The following MALRD1 variants were observed in gnomAD, a reference collection of about 807,000 sequenced individuals.
MALRD1 encodes MAM and LDL-receptor class A domain-containing protein 1.
In MALRD1, 247 loss-of-function variants were observed where a neutral mutation model predicts 242.1. That is an observed-to-expected ratio of 1.02 (90% CI 0.92 to 1.13). MALRD1 has a LOEUF of 1.13. MALRD1 is among the 50% of genes most tolerant of loss of function. MALRD1 has a pLI of 0.00. For missense variants in MALRD1, 2,989 were observed against 2,533.1 expected (o/e 1.18, Z -3.86); for synonymous variants, 995 against 866.6 (o/e 1.15, Z -2.60).
chr10:19,461,276 GA>G (rs2131095917), intron 29 of MALRD1, among the ~76,000 whole-genome samples: 1 of 152,266 alleles, frequency 6.6e-6, no homozygotes, highest in East Asian at 1.9e-4. Context: ...TGTCTCAGAG[GA>G]ACTGGGAAAT....
At chr10:19,269,638 A>G (rs1005217646) in intron 19 of MALRD1, among the ~76,000 whole-genome samples, 2 of 152,168 alleles carry the variant, frequency 1.3e-5, no homozygotes, top group Non-Finnish European at 2.9e-5. Context: ...CTGCAACTCC[A>G]TCTTCCCAGT....
At chr10:19,503,196 AT>A (rs1213145932) in intron 31 of MALRD1, among the ~76,000 whole-genome samples, 1 of 152,214 alleles carries the variant, frequency 6.6e-6, no homozygotes, top group Non-Finnish European at 1.5e-5. Flanking sequence ...GAGTGAGACT[AT>A]TTAGGCATCT....
intron 31 of MALRD1, among the ~76,000 whole-genome samples, chr10:19,511,746 G>A (rs1351250240): frequency 6.6e-6 from 1 of 152,132 alleles, no homozygotes; most frequent in Non-Finnish European, 1.5e-5. Context: ...GGTTTAACAT[G>A]ACATAGTCAA....
chr10:19,463,576 G>A (rs367632746), intron 29 of MALRD1, among the ~76,000 whole-genome samples: 776 of 20,972 alleles, frequency 0.037, 6 homozygotes, highest in Middle Eastern at 0.12. Context: ...GTGTGTGTGT[G>A]TGTGTGTGTG....
chr10:19,687,293 G>C (rs926137026), intron 36 of MALRD1, among the ~76,000 whole-genome samples: 8 of 152,170 alleles, frequency 5.3e-5, no homozygotes, highest in Non-Finnish European at 1.0e-4. Flanking sequence ...ATAGCAAAGA[G>C]ATTACCTGCA....
At position 19,389,620 on chromosome 10, in the gene MALRD1, G is replaced by A. The variant is rs1364021985; in HGVS notation, c.4845+11G>A. 3 of 1,547,232 alleles carry A rather than the reference G, an allele frequency of 1.9e-6. No homozygotes were observed. Among genetic ancestry groups the A allele is most frequent in the South Asian group, 2.4e-5 (2 of 83,654 alleles). On this transcript the variant is annotated intron_variant, in intron 28 of 39. Transcript: ENST00000454679. ...CAGATTCTCATCAAGGTAGGAACATGGCCTGTGATGCCTCTGAGCTTGTTT... is the reference window on the plus strand; with the variant it reads ...CAGATTCTCATCAAGGTAGGAACATAGCCTGTGATGCCTCTGAGCTTGTTT...
intron 32 of MALRD1, among the ~76,000 whole-genome samples, chr10:19,533,301 G>GT (rs1834510299): frequency 6.6e-6 from 1 of 152,120 alleles, no homozygotes; most frequent in Admixed American, 6.5e-5. Flanking sequence ...GTGCTTACTG[G>GT]TTTTTCTAAC....
At chr10:19,679,098 G>C (rs1842257510) in intron 36 of MALRD1, among the ~76,000 whole-genome samples, 1 of 152,138 alleles carries the variant, frequency 6.6e-6, no homozygotes, top group Non-Finnish European at 1.5e-5. Flanking sequence ...GTTCATCAGG[G>C]ATATTTGTCT....
At chr10:19,726,009 T>G (rs575035642) in intron 38 of MALRD1, among the ~76,000 whole-genome samples, 130 of 152,234 alleles carry the variant, frequency 8.5e-4, no homozygotes, top group African/African-American at 2.8e-3. Context: ...GAAAACATAG[T>G]GGTAAATCTT....
intron 36 of MALRD1, among the ~76,000 whole-genome samples, chr10:19,657,719 TTTAAA>T (rs1028895269): frequency 1.3e-5 from 2 of 152,184 alleles, no homozygotes; most frequent in Non-Finnish European, 2.9e-5. Context: ...TGTTAGCTAT[TTTAAA>T]TTAAACAGTT....
chr10:19,594,926 A>G (rs1838003463), intron 33 of MALRD1, among the ~76,000 whole-genome samples: 1 of 152,076 alleles, frequency 6.6e-6, no homozygotes, highest in Non-Finnish European at 1.5e-5. Context: ...CTCAGAAATC[A>G]CCACTAAAGA....
At chr10:19,543,718 G>A (rs562689650) in intron 32 of MALRD1, among the ~76,000 whole-genome samples, 8 of 152,166 alleles carry the variant, frequency 5.3e-5, no homozygotes, top group East Asian at 1.9e-4. Context: ...ACTAATCCAC[G>A]TTATTTCTGC....
chr10:19,083,029 C>A (rs545344374), intron 2 of MALRD1, among the ~76,000 whole-genome samples: 2 of 151,982 alleles, frequency 1.3e-5, no homozygotes, highest in African/African-American at 2.4e-5. Context: ...AGGGGCAAAG[C>A]AAATCTCGAG....
chr10:19,238,503 AATATATAATGTATATT>A (rs1838564979), intron 18 of MALRD1, among the ~76,000 whole-genome samples: 1 of 42,168 alleles, frequency 2.4e-5, no homozygotes, highest in East Asian at 7.2e-4. Context: ...TATATAATAT[AATATATAATGTATATT>A]ATATATAATA....
rs562435391 is a variant in MALRD1, at chr10:19,381,066, C to A, written c.4442-6462C>A. On this transcript the variant is annotated intron_variant, in intron 26 of 39. Transcript: ENST00000454679. ...CAGTGCTATCCCTCCCCCCTCCCCC[C>A]ACCCCACCACAGTCCCCAGAGTGTG... Among the ~76,000 whole-genome samples, 14 of 125,360 alleles carry A rather than the reference C, an allele frequency of 1.1e-4. No homozygotes were observed. In the East Asian group the frequency reaches 1.9e-3, roughly 17 times the overall value. The allele number at this position is 125,360 out of a possible 152,430, so 82.2% of individuals were successfully genotyped here.
At chr10:19,300,204 T>G (rs1303661479) in intron 21 of MALRD1, among the ~76,000 whole-genome samples, 1 of 151,834 alleles carries the variant, frequency 6.6e-6, no homozygotes, top group Non-Finnish European at 1.5e-5. Context: ...GAAACACTTC[T>G]GAAATAAAAC....
At chr10:19,689,390 C>T (rs753585894) in intron 36 of MALRD1, among the ~76,000 whole-genome samples, 4 of 152,080 alleles carry the variant, frequency 2.6e-5, no homozygotes, top group Admixed American at 6.6e-5. Context: ...CTTGACACTT[C>T]AAGCATATAT....
intron 34 of MALRD1, among the ~76,000 whole-genome samples, chr10:19,596,958 C>A (rs1172622090): frequency 6.6e-6 from 1 of 151,782 alleles, no homozygotes; most frequent in African/African-American, 2.4e-5. Flanking sequence ...TATGGGACCT[C>A]TAGAAATCTG....
At chr10:19,661,437 G>A (rs542683920) in intron 36 of MALRD1, among the ~76,000 whole-genome samples, 6,462 of 152,094 alleles carry the variant, frequency 0.042, 424 homozygotes, top group African/African-American at 0.14. Flanking sequence ...CATATACACC[G>A]TGGAATACTA....
Sources: gnomAD v4.1 joint callset for allele counts (sites outside exome capture counted in the v4.1 genomes callset) on GRCh38, gnomAD v4.1.1 for gene constraint, MANE v1.5 for transcripts, NCBI Gene and HGNC (gene_info 2026-07-23, HGNC 2026-07-21) for gene names.